The following FAM25A variants were observed in gnomAD, a reference collection of about 807,000 sequenced individuals.
FAM25A encodes family with sequence similarity 25 member A.
Under a neutral mutation model 6.6 loss-of-function variants are expected in FAM25A, and 5 were observed. That is an observed-to-expected ratio of 0.75 (90% confidence interval 0.39 to 1.59). The LOEUF (loss-of-function observed/expected upper bound fraction) is 1.59. Ranked by LOEUF, FAM25A falls within the 40% of genes most tolerant of loss-of-function variation. The pLI, the probability that FAM25A is intolerant of heterozygous loss-of-function variation, is 0.02. For synonymous variants in FAM25A, 36 were observed against 41.3 expected, an observed-to-expected ratio of 0.87 and a Z score of 0.49; for missense variants, 93 against 109.7, an observed-to-expected ratio of 0.85 and a Z score of 0.68.
intron 2 of FAM25A, among the ~76,000 whole-genome samples, chr10:87,022,664 C>T (rs567993014): frequency 5.2e-4 from 79 of 152,334 alleles, no homozygotes; most frequent in South Asian, 4.6e-3. Context: ...CGGTGGCTCA[C>T]GCCTGTAATC....
At chr10:87,022,704 A>C (rs1401617026) in intron 2 of FAM25A, among the ~76,000 whole-genome samples, 3 of 152,104 alleles carry the variant, frequency 2.0e-5, no homozygotes, top group Non-Finnish European at 4.4e-5. Flanking sequence ...AGGAGGGTGG[A>C]TCACGAGGTC....
Position 87,024,569 on chromosome 10 carries a change from A to C in FAM25A, c.165A>C (p.Gln55His), listed in dbSNP as rs1845360511. 1 of 1,535,816 alleles carries C rather than the reference A, an allele frequency of 6.5e-7. No individual in the cohort carries two copies. The highest frequency in any genetic ancestry group is 1.4e-5 in the African/African-American group (1 of 73,104). Reference sequence around the variant, plus strand: ...TTGCTGAAGCCATAAAGAAAGCCCAAGAGTCAGGGGACAAAAAGATGAAGG... The same window carrying C: ...TTGCTGAAGCCATAAAGAAAGCCCACGAGTCAGGGGACAAAAAGATGAAGG... The part of the protein sequence containing the change: ...KAIAEAIKKA[Q>H]ESGDKKMKEI... Residue 55 changes from glutamine to histidine, a missense_variant, in exon 3 of 3, where the codon CAA (glutamine) becomes CAC (histidine). Coordinates refer to ENST00000343959, the MANE Select transcript of FAM25A (RefSeq NM_001146157.3).
Position 87,024,639 on chromosome 10 carries a change from C to G in FAM25A, c.235C>G (p.His79Asp). 6.5e-7 allele frequency: 1 copy of G among 1,535,778 alleles called. No individual in the cohort carries two copies. Among genetic ancestry groups the G allele is most frequent in the Non-Finnish European group, 8.7e-7 (1 of 1,146,902 alleles). The change falls in exon 3 of 3, where the codon CAT (histidine) becomes GAT (aspartate). Residue 79 changes from histidine to aspartate, a missense_variant. By Grantham distance (81) the His-to-Asp change is moderately conservative. Coordinates refer to ENST00000343959, the MANE Select transcript of FAM25A (RefSeq NM_001146157.3). ...CAACACAGTCACAAATGCCATCACC[C>G]ATGCAGCAGAGAGTCTGGACAAACT... ...VTNTVTNAITHAAESLDKLGQ is the reference protein window; with the variant it reads ...VTNTVTNAITDAAESLDKLGQ
intron 2 of FAM25A, among the ~76,000 whole-genome samples, chr10:87,022,980 T>C (rs1341301979): frequency 6.7e-6 from 1 of 148,676 alleles, no homozygotes; most frequent in Non-Finnish European, 1.5e-5. Context: ...ACGCCTGTGA[T>C]CCCAGCACTT....
intron 1 of FAM25A, among the ~76,000 whole-genome samples, chr10:87,022,073 G>A (rs1249643726): frequency 6.6e-6 from 1 of 152,162 alleles, no homozygotes; most frequent in Non-Finnish European, 1.5e-5. Context: ...TGGCGTCTCC[G>A]AAGGAAGCCA....
intron 2 of FAM25A, among the ~76,000 whole-genome samples, chr10:87,023,090 G>A (rs1189747782): frequency 1.3e-5 from 2 of 151,552 alleles, no homozygotes; most frequent in South Asian, 2.1e-4. Flanking sequence ...GCACGGTGGC[G>A]GGTGCCTGTA....
intron 1 of FAM25A, among the ~76,000 whole-genome samples, chr10:87,020,749 TA>T (rs1845323157): frequency 6.6e-6 from 1 of 152,272 alleles, no homozygotes; most frequent in Non-Finnish European, 1.5e-5. Context: ...CAAAGATTTC[TA>T]AACAAGTCAC....
intron 2 of FAM25A, among the ~76,000 whole-genome samples, chr10:87,022,762 T>C (rs1340946469): frequency 2.0e-5 from 3 of 149,938 alleles, no homozygotes; most frequent in Non-Finnish European, 1.5e-5. Context: ...CCATCTCTAC[T>C]AAAAATACAT....
At chr10:87,022,171 T>C in intron 1 of FAM25A, 143 bp from the exon 2 acceptor site, 2 of 1,105,082 alleles carry the variant, frequency 1.8e-6, no homozygotes, top group Non-Finnish European at 2.7e-6. Flanking sequence ...CAGGGATGTA[T>C]AGGTCCATTG....
chr10:87,023,848 T>A, intron 2 of FAM25A, among the ~76,000 whole-genome samples: 1 of 152,098 alleles, frequency 6.6e-6, no homozygotes, highest in Non-Finnish European at 1.5e-5. Context: ...GGAGTCTTTC[T>A]GGTTCGTGGA....
chr10:87,022,906 T>A (rs1210965548), intron 2 of FAM25A, among the ~76,000 whole-genome samples: 1 of 112,738 alleles, frequency 8.9e-6, no homozygotes, highest in African/African-American at 3.5e-5. Context: ...CAGCCTGGGC[T>A]ACAGAGTGAG....
chr10:87,021,259 G>C (rs762676568), intron 1 of FAM25A, among the ~76,000 whole-genome samples: 1 of 152,206 alleles, frequency 6.6e-6, no homozygotes, highest in African/African-American at 2.4e-5. Flanking sequence ...CAGCAGACGC[G>C]TATTTTGTTT....
chr10:87,021,911 T>A (rs551870025), intron 1 of FAM25A, among the ~76,000 whole-genome samples: 1 of 152,238 alleles, frequency 6.6e-6, no homozygotes, highest in Non-Finnish European at 1.5e-5. Flanking sequence ...CTGAGAGGGG[T>A]GTGACCTGGC....
rs1246144403 is a variant in FAM25A at position 87,024,576 on chromosome 10, G to A, written c.172G>A (p.Gly58Arg). ...AEAIKKAQES[G>R]DKKMKEITET... ...AGCCATAAAGAAAGCCCAAGAGTCA[G>A]GGGACAAAAAGATGAAGGAAATCAC... is the stretch of plus-strand genomic sequence containing the variant. Residue 58 changes from glycine (G) to arginine (R), a missense_variant, in exon 3 of 3, where the codon GGG becomes AGG. By Grantham distance (125) the Gly-to-Arg change is moderately radical (BLOSUM62 -2). Coordinates refer to ENST00000343959, the MANE Select transcript of FAM25A (RefSeq NM_001146157.3). The A allele has an allele frequency of 6.5e-7, 1 of 1,535,652 alleles. No homozygotes were observed. The highest frequency in any genetic ancestry group is 8.7e-7 in the Non-Finnish European group (1 of 1,146,916).
At chr10:87,022,824 G>A (rs1845342458) in intron 2 of FAM25A, among the ~76,000 whole-genome samples, 2 of 151,828 alleles carry the variant, frequency 1.3e-5, no homozygotes, top group Admixed American at 6.6e-5. Context: ...CTACTTGGGA[G>A]GCTGAGGCAG....
intron 1 of FAM25A, among the ~76,000 whole-genome samples, chr10:87,021,770 T>TTTAAAGTGTA (rs1845330976): frequency 6.6e-6 from 1 of 152,254 alleles, no homozygotes; most frequent in South Asian, 2.1e-4. Context: ...AGTTCTAGCA[T>TTTAAAGTGTA]GCTACCACCT....
intron 1 of FAM25A, among the ~76,000 whole-genome samples, chr10:87,022,072 C>T (rs1479621707): frequency 6.6e-6 from 1 of 152,302 alleles, no homozygotes; most frequent in South Asian, 2.1e-4. Context: ...CTGGCGTCTC[C>T]GAAGGAAGCC....
At chr10:87,022,804 A>G (rs202126228) in intron 2 of FAM25A, among the ~76,000 whole-genome samples, 4 of 151,034 alleles carry the variant, frequency 2.6e-5, no homozygotes, top group Non-Finnish European at 5.9e-5. Flanking sequence ...GTGGGTGCCT[A>G]TAGTCCCAGC....
chr10:87,023,583 T>G (rs1845351766), intron 2 of FAM25A, among the ~76,000 whole-genome samples: 1 of 152,028 alleles, frequency 6.6e-6, no homozygotes. Context: ...CAGCTGGGCG[T>G]GGTGGCACAT....
Sources: allele counts gnomAD v4.1 joint callset (sites outside exome capture counted in the v4.1 genomes callset), GRCh38; gene constraint gnomAD v4.1.1; transcripts MANE v1.5; gene names NCBI Gene and HGNC (gene_info 2026-07-23, HGNC 2026-07-21).